Variants in ARHGAP12 observed in about 807,000 individuals in gnomAD.
ARHGAP12 encodes Rho GTPase activating protein 12.
A neutral mutation model predicts 108.6 loss-of-function variants in ARHGAP12; 64 were observed. That is an observed-to-expected ratio of 0.59 (90% confidence interval 0.48 to 0.73). The LOEUF (loss-of-function observed/expected upper bound fraction) is 0.73, where lower values mean the gene tolerates loss of function less well. ARHGAP12 is among the 30% of genes least tolerant of loss of function. The pLI is 0.00. For synonymous variants in ARHGAP12, 312 were observed against 337.2 expected (o/e 0.93, Z 0.82); for missense variants, 940 against 1,005.9 (o/e 0.93, Z 0.89).
At chr10:31,904,048 G>A (rs1839027673) in intron 3 of ARHGAP12, among the ~76,000 whole-genome samples, 1 of 152,112 alleles carries the variant, frequency 6.6e-6, no homozygotes, top group Non-Finnish European at 1.5e-5. Context: ...AAAAACACTT[G>A]GGACTATTTT....
At chr10:31,897,983 A>G (rs2132424294) in intron 3 of ARHGAP12, among the ~76,000 whole-genome samples, 1 of 152,116 alleles carries the variant, frequency 6.6e-6, no homozygotes, top group Middle Eastern at 3.4e-3. Flanking sequence ...AAAACTAGCC[A>G]GGCTTGTTTT....
At chr10:31,902,670 CAA>C (rs200905333) in intron 3 of ARHGAP12, among the ~76,000 whole-genome samples, 7 of 116,842 alleles carry the variant, frequency 6.0e-5, no homozygotes, top group African/African-American at 3.2e-5. Context: ...GACCCCATCT[CAA>C]AAAAAAAAAA....
At chr10:31,840,715 TAACTC>T (rs931538556) in intron 7 of ARHGAP12, among the ~76,000 whole-genome samples, 15 of 152,140 alleles carry the variant, frequency 9.9e-5, no homozygotes, top group African/African-American at 3.6e-4. Context: ...AAAAAACTAT[TAACTC>T]AACATTTACT....
Position 31,922,870 on chromosome 10 carries a change from G to A in ARHGAP12, c.-111+5813C>T, listed in dbSNP as rs573831045. Among the ~76,000 whole-genome samples, 5 of 152,228 alleles carry A rather than the reference G, an allele frequency of 3.3e-5. No individual in the cohort carries two copies. In the South Asian group the frequency reaches 8.3e-4, roughly 25 times the overall value. ...AGGTTAGGCAAGGTAGCTCACACCT[G>A]TAATTCCAGTGTTTTAGGAAGTCGA... On this transcript the variant is annotated intron_variant, in intron 1 of 19. Coordinates refer to ENST00000344936, the MANE Select transcript of ARHGAP12 (RefSeq NM_018287.7).
chr10:31,913,942 G>C (rs1439345303), intron 1 of ARHGAP12, among the ~76,000 whole-genome samples: 1 of 152,068 alleles, frequency 6.6e-6, no homozygotes, highest in Non-Finnish European at 1.5e-5. Flanking sequence ...GGTATAGCAC[G>C]GGGGTTGTAA....
At chr10:31,897,917 G>C (rs1032354392) in intron 3 of ARHGAP12, among the ~76,000 whole-genome samples, 3 of 152,144 alleles carry the variant, frequency 2.0e-5, no homozygotes, top group African/African-American at 7.2e-5. Context: ...CTTGCGCCCA[G>C]GAGTTTGAGG....
At chr10:31,880,470 T>C (rs555889727) in intron 3 of ARHGAP12, among the ~76,000 whole-genome samples, 5 of 141,718 alleles carry the variant, frequency 3.5e-5, no homozygotes, top group East Asian at 2.0e-4. Flanking sequence ...ACAACAACAA[T>C]AACAAAAAAA....
At chr10:31,819,734 C>T (rs1050738868) in intron 12 of ARHGAP12, among the ~76,000 whole-genome samples, 1 of 152,056 alleles carries the variant, frequency 6.6e-6, no homozygotes, top group Non-Finnish European at 1.5e-5. Context: ...CACTTGAGAC[C>T]ATCCAGTTCC....
intron 7 of ARHGAP12, among the ~76,000 whole-genome samples, chr10:31,841,472 A>G (rs1024171518): frequency 6.6e-6 from 1 of 152,184 alleles, no homozygotes; most frequent in Admixed American, 6.5e-5. Flanking sequence ...ACAATATTCA[A>G]TATGACACTC....
Position 31,812,714 on chromosome 10 carries a change from ATAACCTTTTTCACGAAC to A in ARHGAP12, c.1927_1943del (p.Val643TyrfsTer2). On this transcript the variant is annotated frameshift_variant, in exon 15 of 20. Transcript: ENST00000344936. LOFTEE classifies it high-confidence loss of function. ...AATACTTCTCCTACCAACCTTTAATATAACCTTTTTCACGAACAGCTTGCAAAGTGGGGCGTCGTGTA... is the reference window on the plus strand; with the variant it reads ...AATACTTCTCCTACCAACCTTTAATAAGCTTGCAAAGTGGGGCGTCGTGTA... The A allele has an allele frequency of 6.3e-7, 1 of 1,596,724 alleles. No individual in the cohort carries two copies. Among genetic ancestry groups the A allele is most frequent in the Non-Finnish European group, 8.5e-7 (1 of 1,170,852 alleles).
chr10:31,820,816 A>C (rs1835389502), intron 11 of ARHGAP12, among the ~76,000 whole-genome samples: 1 of 151,350 alleles, frequency 6.6e-6, no homozygotes, highest in South Asian at 2.1e-4. Flanking sequence ...GCTATAGACT[A>C]AAAAGGCCTC....
chr10:31,874,973 CAAAAAAAAAA>C (rs59050160), intron 3 of ARHGAP12, among the ~76,000 whole-genome samples: 3 of 58,312 alleles, frequency 5.1e-5, no homozygotes, highest in African/African-American at 6.4e-5. Flanking sequence ...GACTCTGTCT[CAAAAAAAAAA>C]AAAAAAAAAA....
chr10:31,927,333 AGT>A (rs1253920919), intron 1 of ARHGAP12, among the ~76,000 whole-genome samples: 1 of 152,242 alleles, frequency 6.6e-6, no homozygotes, highest in Non-Finnish European at 1.5e-5. Context: ...GATATGGGCA[AGT>A]ACACACACAT....
intron 12 of ARHGAP12, among the ~76,000 whole-genome samples, chr10:31,820,016 A>T (rs1031704517): frequency 6.6e-6 from 1 of 152,020 alleles, no homozygotes; most frequent in Non-Finnish European, 1.5e-5. Context: ...ATTGAGAAGA[A>T]GATATAGAGA....
chr10:31,807,456 G>T lies in ARHGAP12; in HGVS notation c.*202C>A. The T allele has an allele frequency of 2.4e-6, 1 of 420,010 alleles. No individual in the cohort carries two copies. Among genetic ancestry groups the T allele is most frequent in the Non-Finnish European group, 4.2e-6 (1 of 238,382 alleles). The allele number at this position is 420,010 out of a possible 1,614,324, so 26.0% of individuals were successfully genotyped here. A position where few individuals can be genotyped will look rare whatever the true frequency, so the allele number is the denominator to read the frequency against. On this transcript the variant is annotated 3_prime_UTR_variant, in exon 20 of 20. Transcript: ENST00000344936. ...GGATAAAATGAATTCATAATTACAC[G>T]CAGTTATATCAACTTGCAACAAAGC...
intron 1 of ARHGAP12, among the ~76,000 whole-genome samples, chr10:31,921,532 G>A (rs977146038): frequency 2.0e-5 from 3 of 151,736 alleles, no homozygotes; most frequent in African/African-American, 7.3e-5. Flanking sequence ...TTGGGAGGCA[G>A]AGTCGGGCGG....
intron 7 of ARHGAP12, among the ~76,000 whole-genome samples, chr10:31,841,236 CAG>C (rs1836252332): frequency 1.3e-5 from 2 of 151,714 alleles, no homozygotes; most frequent in Non-Finnish European, 2.9e-5. Context: ...TTAGTAAAAA[CAG>C]AAAAAAAAGG....
At chr10:31,819,507 T>G (rs1835330608) in intron 12 of ARHGAP12, among the ~76,000 whole-genome samples, 1 of 152,214 alleles carries the variant, frequency 6.6e-6, no homozygotes, top group African/African-American at 2.4e-5. Flanking sequence ...CTCTGAATAC[T>G]TGGCTAGTCT....
At chr10:31,913,571 A>G in intron 1 of ARHGAP12, 1 of 175,528 alleles carries the variant, frequency 5.7e-6, no homozygotes, top group South Asian at 1.5e-4. Flanking sequence ...ATGGCTGTGA[A>G]GCTGAAGGAA....
Sources: gnomAD v4.1 joint callset for allele counts (sites outside exome capture counted in the v4.1 genomes callset) on GRCh38, gnomAD v4.1.1 for gene constraint, MANE v1.5 for transcripts, NCBI Gene and HGNC (gene_info 2026-07-23, HGNC 2026-07-21) for gene names.